SGCZ: variants seen among roughly 807,000 people sequenced by gnomAD.
SGCZ encodes zeta-sarcoglycan.
In SGCZ, 40 loss-of-function variants were observed where a neutral mutation model predicts 41.3. The observed-to-expected ratio is 0.97, with a 90% CI of 0.75 to 1.26. The LOEUF is 1.26. SGCZ is among the 50% of genes most tolerant of loss of function. The pLI is 0.00. For missense variants in SGCZ, 552 were observed against 369.8 expected, an observed-to-expected ratio of 1.49 and a Z score of -4.04; for synonymous variants, 206 against 137.5, an observed-to-expected ratio of 1.50 and a Z score of -3.49.
chr8:15,201,653 G>T (rs1335555827), intron 1 of SGCZ, among the ~76,000 whole-genome samples: 5 of 152,178 alleles, frequency 3.3e-5, no homozygotes, highest in African/African-American at 1.2e-4. Context: ...CTGCTCCTCT[G>T]CTTCCCTCAA....
intron 1 of SGCZ, among the ~76,000 whole-genome samples, chr8:14,568,569 T>C (rs1445742011): frequency 6.6e-6 from 1 of 152,130 alleles, no homozygotes; most frequent in African/African-American, 2.4e-5. Context: ...CATAGGATTA[T>C]AAACTCCTTT....
At chr8:15,009,452 C>T (rs1230628983) in intron 1 of SGCZ, among the ~76,000 whole-genome samples, 2 of 152,040 alleles carry the variant, frequency 1.3e-5, no homozygotes, top group Non-Finnish European at 2.9e-5. Flanking sequence ...AAATCCAAAC[C>T]GTATCACATA....
chr8:14,680,362 T>C (rs1396418264), intron 1 of SGCZ, among the ~76,000 whole-genome samples: 1 of 152,120 alleles, frequency 6.6e-6, no homozygotes, highest in Non-Finnish European at 1.5e-5. Flanking sequence ...TTAGTGATAA[T>C]GATATGTCAG....
chr8:14,151,885 A>C (rs951355407), intron 5 of SGCZ, among the ~76,000 whole-genome samples: 6 of 152,168 alleles, frequency 3.9e-5, no homozygotes, highest in African/African-American at 1.4e-4. Flanking sequence ...CATACACAAC[A>C]GAAAAAAGCA....
chr8:15,015,703 A>AG (rs1491090893), intron 1 of SGCZ, among the ~76,000 whole-genome samples: 1 of 141,010 alleles, frequency 7.1e-6, no homozygotes, highest in Non-Finnish European at 1.5e-5. Flanking sequence ...AAAAAAAAAA[A>AG]GAAAAGAAAA....
intron 2 of SGCZ, among the ~76,000 whole-genome samples, chr8:14,445,334 T>C (rs1800400297): frequency 6.6e-6 from 1 of 152,162 alleles, no homozygotes; most frequent in Admixed American, 6.5e-5. Context: ...GAATGTTGCC[T>C]TTTCCAAAAC....
chr8:14,539,077 T>A (rs907196539), intron 2 of SGCZ, among the ~76,000 whole-genome samples: 9 of 151,998 alleles, frequency 5.9e-5, no homozygotes, highest in Admixed American at 4.6e-4. Flanking sequence ...TCTTCCATAA[T>A]ATGAGTGGGC....
chr8:15,071,876 A>G (rs1805363020), intron 1 of SGCZ, among the ~76,000 whole-genome samples: 1 of 152,110 alleles, frequency 6.6e-6, no homozygotes, highest in Non-Finnish European at 1.5e-5. Flanking sequence ...TGAAGACTCC[A>G]TCTCATCTGG....
At position 14,510,893 on chromosome 8, in the gene SGCZ, T is replaced by A. The variant is rs892370665; in HGVS notation, c.234+43839A>T. ...GGACTTGGGAAGCATCTTTTTGCAA[T>A]ATAGGCATCAATGAAGATAGTGGCC... On this transcript the variant is annotated intron_variant, in intron 2 of 7. Coordinates refer to ENST00000382080, the MANE Select transcript of SGCZ (RefSeq NM_139167.4). 5.9e-5 allele frequency among the ~76,000 whole-genome samples: 9 copies of A among 152,226 alleles called. No individual in the cohort carries two copies. In the East Asian group the frequency reaches 1.5e-3, roughly 26 times the overall value.
At chr8:14,762,610 T>G (rs1799923207) in intron 1 of SGCZ, among the ~76,000 whole-genome samples, 1 of 152,184 alleles carries the variant, frequency 6.6e-6, no homozygotes, top group South Asian at 2.1e-4. Flanking sequence ...TAGCTCTTGG[T>G]CTCATCATAA....
chr8:15,160,154 A>G (rs1799467293), intron 1 of SGCZ, among the ~76,000 whole-genome samples: 2 of 152,278 alleles, frequency 1.3e-5, no homozygotes, highest in Admixed American at 1.3e-4. Flanking sequence ...GAAACTCTGT[A>G]TCTTTTAAAC....
intron 5 of SGCZ, among the ~76,000 whole-genome samples, chr8:14,147,059 G>C (rs1803550034): frequency 6.6e-6 from 1 of 151,494 alleles, no homozygotes; most frequent in African/African-American, 2.4e-5. Flanking sequence ...TAAAATAATG[G>C]GTTATAAAAT....
At chr8:14,942,291 G>A (rs780072729) in intron 1 of SGCZ, among the ~76,000 whole-genome samples, 1 of 152,038 alleles carries the variant, frequency 6.6e-6, no homozygotes, top group Non-Finnish European at 1.5e-5. Flanking sequence ...ATTTTAATCA[G>A]AATAAAATCA....
At chr8:14,377,451 T>G (rs145649409) in intron 2 of SGCZ, among the ~76,000 whole-genome samples, 2,992 of 152,252 alleles carry the variant, frequency 0.02, 78 homozygotes, top group African/African-American at 0.055. Context: ...AGTTATTTTA[T>G]AAAATCCTGG....
chr8:14,642,773 ATATC>A (rs1223438225), intron 1 of SGCZ, among the ~76,000 whole-genome samples: 13 of 151,602 alleles, frequency 8.6e-5, no homozygotes, highest in African/African-American at 2.7e-4. Context: ...AATAATATAT[ATATC>A]TAAGCAAAGT....
chr8:14,112,251 A>G (rs1802393821), intron 5 of SGCZ, among the ~76,000 whole-genome samples: 1 of 138,996 alleles, frequency 7.2e-6, no homozygotes, highest in Non-Finnish European at 1.5e-5. Context: ...AAAATCAACT[A>G]TGATCATGAA....
intron 1 of SGCZ, among the ~76,000 whole-genome samples, chr8:14,937,123 ATAAACT>A (rs367558681): frequency 3.9e-5 from 6 of 151,950 alleles, no homozygotes; most frequent in Non-Finnish European, 8.8e-5. Flanking sequence ...AAATACACTA[ATAAACT>A]TAAACACTCT....
rs1045803739 is a variant in SGCZ, at chr8:14,196,888, A to G, written c.425-32186T>C. On this transcript the variant is annotated intron_variant, in intron 4 of 7. Transcript: ENST00000382080. ...CAATATCAAATAAATTCTAATTTAA[A>G]GCAAATATCCAGAAATGCCATATTT... Among the ~76,000 whole-genome samples the G allele has an allele frequency of 3.3e-5, 5 of 152,292 alleles. No individual in the cohort carries two copies. The South Asian group carries it at 1.0e-3, about 32-fold the overall frequency.
At chr8:14,402,330 T>G (rs13251832) in intron 2 of SGCZ, among the ~76,000 whole-genome samples, 29,606 of 151,478 alleles carry the variant, frequency 0.2, 3,608 homozygotes, top group Non-Finnish European at 0.28. Context: ...TTGTTGCCAT[T>G]GCTTTTGGTG....
Sources: gnomAD v4.1 joint callset for allele counts (sites outside exome capture counted in the v4.1 genomes callset) on GRCh38, gnomAD v4.1.1 for gene constraint, MANE v1.5 for transcripts, NCBI Gene and HGNC (gene_info 2026-07-23, HGNC 2026-07-21) for gene names.